Variants in HECW1 observed in about 807,000 individuals in gnomAD.
The protein encoded by HECW1 is HECT, C2 and WW domain containing E3 ubiquitin protein ligase 1, also known as E3 ubiquitin-protein ligase HECW1.
In HECW1, 61 loss-of-function variants were observed where a neutral mutation model predicts 182.3. The ratio of observed to expected loss-of-function variants is 0.33; its 90% CI spans 0.27 to 0.41. The LOEUF is 0.41. Among genes scored for constraint, HECW1 ranks in the 10% least tolerant of loss-of-function variants. HECW1 has a pLI of 1.00. For missense variants in HECW1, 1,739 were observed against 2,108.9 expected (o/e 0.82, Z 3.44); for synonymous variants, 859 against 832.6 (o/e 1.03, Z -0.55).
chr7:43,516,993 T>C (rs573096256), intron 24 of HECW1, among the ~76,000 whole-genome samples: 2 of 152,252 alleles, frequency 1.3e-5, no homozygotes, highest in Non-Finnish European at 2.9e-5. Flanking sequence ...AGCTCCGTTA[T>C]AATCTTTTGA....
intron 2 of HECW1, among the ~76,000 whole-genome samples, chr7:43,151,181 T>G (rs1243637304): frequency 1.3e-5 from 2 of 152,164 alleles, no homozygotes; most frequent in African/African-American, 4.8e-5. Flanking sequence ...CTCAGTAATT[T>G]GGAAAAAATT....
intron 2 of HECW1, among the ~76,000 whole-genome samples, chr7:43,209,077 G>T (rs1472858574): frequency 6.6e-6 from 1 of 152,186 alleles, no homozygotes; most frequent in African/African-American, 2.4e-5. Context: ...GTAGGGCAGG[G>T]TTAGGAGTGG....
At chr7:43,449,493 C>A (rs1324530759) in intron 11 of HECW1, among the ~76,000 whole-genome samples, 2 of 152,146 alleles carry the variant, frequency 1.3e-5, no homozygotes, top group Non-Finnish European at 2.9e-5. Flanking sequence ...AAAATTAAAC[C>A]CACCTTTCTT....
intron 6 of HECW1, among the ~76,000 whole-genome samples, chr7:43,375,610 C>A (rs888008410): frequency 6.6e-6 from 1 of 151,858 alleles, no homozygotes; most frequent in Admixed American, 6.6e-5. Flanking sequence ...TAAAAAAGCT[C>A]CAGGCCAGGC....
At chr7:43,434,488 A>G (rs17801421) in intron 8 of HECW1, among the ~76,000 whole-genome samples, 20,864 of 152,250 alleles carry the variant, frequency 0.14, 1,731 homozygotes, top group Middle Eastern at 0.22. Context: ...TCTCACTCCA[A>G]AGGTTCTTTA....
chr7:43,386,601 G>GC (rs796456996), intron 6 of HECW1, among the ~76,000 whole-genome samples: 19 of 152,134 alleles, frequency 1.2e-4, no homozygotes, highest in Admixed American at 3.9e-4. Flanking sequence ...AGATGTTCCT[G>GC]CCCCCCCTGC....
At chr7:43,226,290 G>A (rs1277605131) in intron 2 of HECW1, among the ~76,000 whole-genome samples, 6 of 152,038 alleles carry the variant, frequency 3.9e-5, no homozygotes, top group Admixed American at 1.3e-4. Context: ...TCTTATTTCC[G>A]TAATTTTGCT....
chr7:43,484,731 T>C (rs2078563830), intron 17 of HECW1: 1 of 152,246 alleles, frequency 6.6e-6, no homozygotes, highest in Non-Finnish European at 1.5e-5. Flanking sequence ...TTCAGACAGA[T>C]TCCTGAAAGC....
chr7:43,212,916 G>C (rs1437333766), intron 2 of HECW1, among the ~76,000 whole-genome samples: 2 of 152,172 alleles, frequency 1.3e-5, no homozygotes, highest in Non-Finnish European at 2.9e-5. Context: ...TTATATGGTA[G>C]ATATTTTCCA....
At chr7:43,389,644 T>C (rs985363319) in intron 6 of HECW1, among the ~76,000 whole-genome samples, 3 of 151,766 alleles carry the variant, frequency 2.0e-5, no homozygotes, top group South Asian at 2.1e-4. Context: ...TTGTTGTTGT[T>C]GTCGTTGTTT....
At chr7:43,210,555 T>C (rs1033791211) in intron 2 of HECW1, among the ~76,000 whole-genome samples, 1 of 152,024 alleles carries the variant, frequency 6.6e-6, no homozygotes, top group Non-Finnish European at 1.5e-5. Flanking sequence ...GCAAGCCTCG[T>C]GTTCGCTAAC....
chr7:43,551,322 GAAGT>G (rs1418102938), intron 27 of HECW1, among the ~76,000 whole-genome samples: 1 of 152,166 alleles, frequency 6.6e-6, no homozygotes, highest in Non-Finnish European at 1.5e-5. Flanking sequence ...AGGGAGGAAG[GAAGT>G]GAGAGAAGAA....
chr7:43,505,964 C>A (rs1038181680), intron 21 of HECW1, among the ~76,000 whole-genome samples: 2 of 152,164 alleles, frequency 1.3e-5, no homozygotes, highest in African/African-American at 4.8e-5. Flanking sequence ...ATTGAATGGG[C>A]AAGCCTTGAT....
rs544123901 is a variant in HECW1 at position 43,157,321 on chromosome 7, A to G, written c.-32+42930A>G. On this transcript the variant is annotated intron_variant, in intron 2 of 29. Transcript: ENST00000395891. ...TCTATCAAACATCCAAAAAAATGTT[A>G]TCAGTAGATTCATTCCTCTGGCTGC... 3.9e-5 allele frequency among the ~76,000 whole-genome samples: 6 copies of G among 152,354 alleles called. No individual in the cohort carries two copies. In the South Asian group the frequency reaches 1.2e-3, roughly 32 times the overall value.
chr7:43,317,206 C>T (rs1481318906), intron 4 of HECW1, among the ~76,000 whole-genome samples: 1 of 152,178 alleles, frequency 6.6e-6, no homozygotes, highest in Admixed American at 6.5e-5. Flanking sequence ...TGTGTCTACT[C>T]TCTAGCTTCC....
chr7:43,150,409 C>G (rs562700116), intron 2 of HECW1, among the ~76,000 whole-genome samples: 10 of 152,250 alleles, frequency 6.6e-5, no homozygotes, highest in African/African-American at 2.4e-4. Context: ...GATTGAGTCT[C>G]ACTCTGCCAC....
intron 5 of HECW1, among the ~76,000 whole-genome samples, chr7:43,344,987 G>T (rs936210213): frequency 6.6e-6 from 1 of 152,034 alleles, no homozygotes; most frequent in East Asian, 1.9e-4. Flanking sequence ...TTTAGAAAGG[G>T]GACTTTATTT....
intron 6 of HECW1, among the ~76,000 whole-genome samples, chr7:43,364,558 G>A (rs1816380935): frequency 6.6e-6 from 1 of 152,254 alleles, no homozygotes; most frequent in Admixed American, 6.5e-5. Flanking sequence ...TGTGCTGGCT[G>A]CGGAGGAGGG....
intron 5 of HECW1, among the ~76,000 whole-genome samples, chr7:43,353,898 A>C (rs1314187414): frequency 6.6e-6 from 1 of 152,178 alleles, no homozygotes; most frequent in Non-Finnish European, 1.5e-5. Context: ...GCCAAAGGAG[A>C]CACTAAATCA....
Sources: gnomAD v4.1 joint callset for allele counts (sites outside exome capture counted in the v4.1 genomes callset) on GRCh38, gnomAD v4.1.1 for gene constraint, MANE v1.5 for transcripts, NCBI Gene and HGNC (gene_info 2026-07-23, HGNC 2026-07-21) for gene names.